ELMOD3: variants seen among roughly 807,000 people sequenced by gnomAD.
ELMOD3 encodes the protein ELMO domain containing 3, also known as ELMO domain-containing protein 3.
ELMOD3 carries 36 observed loss-of-function variants against 47.4 expected under a neutral mutation model. The ratio of observed to expected loss-of-function variants is 0.76; its 90% CI spans 0.58 to 1.00. The LOEUF (loss-of-function observed/expected upper bound fraction) is 1.00. ELMOD3 is among the 50% of genes least tolerant of loss of function. ELMOD3 has a pLI of 0.00. For synonymous variants in ELMOD3, 149 were observed against 183.5 expected, an observed-to-expected ratio of 0.81 and a Z score of 1.52; for missense variants, 404 against 463.8, an observed-to-expected ratio of 0.87 and a Z score of 1.18.
At chr2:85,378,296 C>G (rs913697377) in intron 11 of ELMOD3, among the ~76,000 whole-genome samples, 2 of 152,172 alleles carry the variant, frequency 1.3e-5, no homozygotes, top group African/African-American at 2.4e-5. Context: ...TACAGTGTGA[C>G]CCTGAAAATC....
intron 13 of ELMOD3, 60 bp from the exon 14 acceptor site, chr2:85,390,700 G>T: frequency 6.5e-7 from 1 of 1,538,180 alleles, no homozygotes; most frequent in Non-Finnish European, 8.8e-7. Context: ...TTGAGGCCTT[G>T]ACTGTTGTGT....
At chr2:85,386,499 C>T (rs931376557) in intron 11 of ELMOD3, among the ~76,000 whole-genome samples, 1 of 149,018 alleles carries the variant, frequency 6.7e-6, no homozygotes, top group Admixed American at 6.9e-5. Flanking sequence ...ATTCTTCTGC[C>T]TGAGCCTCCC....
intron 10 of ELMOD3, chr2:85,373,028 G>C (rs1684911760): frequency 6.6e-6 from 1 of 152,012 alleles, no homozygotes; most frequent in Non-Finnish European, 1.5e-5. Flanking sequence ...GCCGAGGCAG[G>C]CAGATGACTT....
At chr2:85,382,735 C>G (rs889717852) in intron 11 of ELMOD3, among the ~76,000 whole-genome samples, 5 of 151,944 alleles carry the variant, frequency 3.3e-5, no homozygotes, top group Admixed American at 2.0e-4. Flanking sequence ...AGGCTGGTCT[C>G]GAACTCTGGA....
chr2:85,361,600 C>T (rs1187844443), intron 4 of ELMOD3, among the ~76,000 whole-genome samples: 3 of 152,100 alleles, frequency 2.0e-5, no homozygotes, highest in Non-Finnish European at 4.4e-5. Flanking sequence ...CACATGGACA[C>T]ATAGAAGGGA....
At position 85,389,958 on chromosome 2, in the gene ELMOD3, G is replaced by A. The variant is rs1023187253; in HGVS notation, c.815+131G>A. 95 of 1,052,250 alleles carry A rather than the reference G, an allele frequency of 9.0e-5. 1 individual carries two copies. The highest frequency in any genetic ancestry group is 1.2e-4 in the Non-Finnish European group (82 of 675,102). The allele number at this position is 1,052,250 out of a possible 1,614,324, so 65.2% of individuals were successfully genotyped here. ...GGCCTGGACAAAGTCCCCATGCACC[G>A]GTCTCCCCAGGACATCCCTTCTCCC... is the stretch of plus-strand genomic sequence containing the variant. On this transcript the variant is annotated intron_variant, in intron 12 of 13. Coordinates refer to ENST00000409013, the MANE Select transcript of ELMOD3 (RefSeq NM_001135022.2).
chr2:85,371,388 G>A, intron 9 of ELMOD3, 52 bp from the exon 10 acceptor site: 11 of 1,610,522 alleles, frequency 6.8e-6, no homozygotes, highest in Non-Finnish European at 9.3e-6. Flanking sequence ...GAAGCACCCG[G>A]TTCTCCCATG....
chr2:85,357,164 A>T lies in ELMOD3; in HGVS notation c.-35A>T. On this transcript the variant is annotated 5_prime_UTR_variant, in exon 4 of 14. It adds an upstream start codon to the 5' untranslated region. Transcript: ENST00000409013. ...CTTACTAAAATGCTTTCTGGGCCCAAGGACAAAGCTCACATGAACAAATGA... is the reference window on the plus strand; with the variant it reads ...CTTACTAAAATGCTTTCTGGGCCCATGGACAAAGCTCACATGAACAAATGA... 1 of 1,547,750 alleles carries T rather than the reference A, an allele frequency of 6.5e-7. No individual in the cohort carries two copies. The highest frequency in any genetic ancestry group is 8.8e-7 in the Non-Finnish European group (1 of 1,130,224).
chr2:85,356,789 G>T, intron 3 of ELMOD3, 178 bp from the exon 4 acceptor site: 1 of 154,418 alleles, frequency 6.5e-6, no homozygotes. Flanking sequence ...ACTGGGACAG[G>T]AGAATCGCTT....
chr2:85,364,891 G>A (rs1684269577), intron 6 of ELMOD3, among the ~76,000 whole-genome samples: 1 of 130,904 alleles, frequency 7.6e-6, no homozygotes, highest in African/African-American at 2.9e-5. Context: ...AGGCTGAAGT[G>A]TAGTAATGTG....
chr2:85,362,889 G>A (rs746711726), intron 5 of ELMOD3, among the ~76,000 whole-genome samples: 6 of 152,184 alleles, frequency 3.9e-5, no homozygotes, highest in African/African-American at 4.8e-5. Flanking sequence ...CTGCACTCCC[G>A]CCTGGGCAAC....
At chr2:85,363,421 C>T (rs2104519185) in intron 6 of ELMOD3, among the ~76,000 whole-genome samples, 1 of 152,316 alleles carries the variant, frequency 6.6e-6, no homozygotes, top group South Asian at 2.1e-4. Context: ...CCTCCCTTAT[C>T]CTCAAAGGGA....
At chr2:85,370,535 A>G (rs1684722198) in intron 8 of ELMOD3, among the ~76,000 whole-genome samples, 1 of 152,208 alleles carries the variant, frequency 6.6e-6, no homozygotes, top group Non-Finnish European at 1.5e-5. Context: ...GAGGCTAAAA[A>G]GATAGGAACC....
chr2:85,363,579 C>T (rs1358926448), intron 6 of ELMOD3, among the ~76,000 whole-genome samples: 1 of 152,242 alleles, frequency 6.6e-6, no homozygotes, highest in Non-Finnish European at 1.5e-5. Flanking sequence ...GCCTGGCCAA[C>T]ATGGTGAAAC....
intron 4 of ELMOD3, among the ~76,000 whole-genome samples, chr2:85,358,592 G>A (rs1683723734): frequency 6.6e-6 from 1 of 152,132 alleles, no homozygotes; most frequent in Non-Finnish European, 1.5e-5. Context: ...TCCTTTACCA[G>A]GGAGCTTGGT....
At position 85,358,789 on chromosome 2, in the gene ELMOD3, G is replaced by T. The variant is rs139290625; in HGVS notation, c.54+1537G>T. Among the ~76,000 whole-genome samples, 513 of 152,020 alleles carry T rather than the reference G, an allele frequency of 3.4e-3. 3 individuals are homozygous for T. Among genetic ancestry groups the T allele is most frequent in the African/African-American group, 0.012 (484 of 41,452 alleles). ...GTTCAAAATGCAAAAAGTACAGAAC[G>T]ATATATGTATTGTGAAGAAACCACC... On this transcript the variant is annotated intron_variant, in intron 4 of 13. Coordinates refer to ENST00000409013, the MANE Select transcript of ELMOD3 (RefSeq NM_001135022.2).
At chr2:85,377,580 C>T in intron 11 of ELMOD3, 106 bp downstream of exon 11, 2 of 1,226,604 alleles carry the variant, frequency 1.6e-6, no homozygotes, top group East Asian at 2.6e-5. Context: ...GAATGGGCTT[C>T]CCCGTCAGTC....
intron 5 of ELMOD3, 80 bp downstream of exon 5, chr2:85,362,340 C>A (rs571905853): frequency 4.4e-6 from 4 of 906,034 alleles, no homozygotes; most frequent in South Asian, 1.3e-5. Flanking sequence ...CTGTGGTAGA[C>A]GCTGGGGACA....
chr2:85,368,495 A>G (rs989808687), intron 6 of ELMOD3, 191 bp from the exon 7 acceptor site: 10 of 575,642 alleles, frequency 1.7e-5, no homozygotes, highest in Non-Finnish European at 2.8e-5. Context: ...GAGCAGTTCA[A>G]AAATCCTGTG....
Sources: gnomAD v4.1 joint callset for allele counts (sites outside exome capture counted in the v4.1 genomes callset) on GRCh38, gnomAD v4.1.1 for gene constraint, MANE v1.5 for transcripts, NCBI Gene and HGNC (gene_info 2026-07-23, HGNC 2026-07-21) for gene names.